Variants in EVL observed in about 807,000 individuals in gnomAD.
EVL encodes the protein ena/VASP-like protein.
A neutral mutation model predicts 59.6 loss-of-function variants in EVL; 21 were observed. The observed-to-expected ratio is 0.35, with a 90% CI of 0.25 to 0.51. The LOEUF (loss-of-function observed/expected upper bound fraction) is 0.51, where lower values mean the gene tolerates loss of function less well. EVL is among the 20% of genes least tolerant of loss of function. The pLI, the probability that EVL is intolerant of heterozygous loss-of-function variation, is 0.97. For synonymous variants in EVL, 198 were observed against 203.5 expected, an observed-to-expected ratio of 0.97 and a Z score of 0.23; for missense variants, 462 against 546.6, an observed-to-expected ratio of 0.85 and a Z score of 1.54.
At chr14:100,092,045 C>T (rs1006814562) in intron 2 of EVL, among the ~76,000 whole-genome samples, 2 of 151,788 alleles carry the variant, frequency 1.3e-5, no homozygotes, top group African/African-American at 4.8e-5. Context: ...TCAAGACCAG[C>T]CTGGGCAACA....
At chr14:100,143,678 A>AGCC (rs1452177575) in intron 13 of EVL, 23 bp from the exon 14 acceptor site, 3 of 1,610,772 alleles carry the variant, frequency 1.9e-6, no homozygotes, top group Non-Finnish European at 2.5e-6. Flanking sequence ...GCTGCACCTG[A>AGCC]GCCGCCGCCA....
intron 1 of EVL, among the ~76,000 whole-genome samples, chr14:100,073,298 C>T (rs916327536): frequency 1.4e-4 from 21 of 151,526 alleles, no homozygotes; most frequent in Non-Finnish European, 2.8e-4. Flanking sequence ...ACACTTTGCA[C>T]GTACAGCACT....
In EVL at chr14:100,109,659, C is replaced by A. The variant is rs1566703015; in HGVS notation, c.358+12001C>A. Reference sequence around the variant, plus strand: ...ACCGCTTGCTGGCCAACCTGTGAAACTGGGCTCAAGGTGAGGGGTGCTATC... The same window carrying A: ...ACCGCTTGCTGGCCAACCTGTGAAAATGGGCTCAAGGTGAGGGGTGCTATC... On this transcript the variant is annotated intron_variant, in intron 3 of 13. Coordinates refer to ENST00000392920, the MANE Select transcript of EVL (RefSeq NM_016337.3). This position sits in a 1 kb window ranked among gnomAD's most constrained non-coding sequence, Gnocchi z 4.3. The A allele has an allele frequency of 1.9e-6, 1 of 531,294 alleles. No individual in the cohort carries two copies. Among genetic ancestry groups the A allele is most frequent in the East Asian group, 5.5e-5 (1 of 18,348 alleles). The allele number at this position is 531,294 out of a possible 1,614,324, so 32.9% of individuals were successfully genotyped here.
chr14:100,106,727 G>A, intron 3 of EVL: 1 of 397,768 alleles, frequency 2.5e-6, no homozygotes. Context: ...GAAGTTTTGT[G>A]AAACTCGGGC....
intron 1 of EVL, among the ~76,000 whole-genome samples, chr14:99,990,157 G>A (rs1015690490): frequency 6.6e-6 from 1 of 152,100 alleles, no homozygotes; most frequent in African/African-American, 2.4e-5. Flanking sequence ...AATGTTGATA[G>A]TTTGACCTCC....
intron 9 of EVL, among the ~76,000 whole-genome samples, chr14:100,136,528 A>G (rs1888799976): frequency 6.6e-6 from 1 of 152,152 alleles, no homozygotes; most frequent in Non-Finnish European, 1.5e-5. Context: ...TTGGTTGTTC[A>G]TTCGACAAAC....
intron 1 of EVL, among the ~76,000 whole-genome samples, chr14:100,042,537 TGGGCCCTGGGCCCAGCGACCTCTGGCCA>T (rs2061482673): frequency 6.6e-6 from 1 of 152,160 alleles, no homozygotes; most frequent in Admixed American, 6.6e-5. Context: ...CCCCCATCTC[TGGGCCCTGGGCCCAGCGACCTCTGGCCA>T]GGGTGAGCAT....
At chr14:99,976,867 G>A (rs981872901) in intron 1 of EVL, among the ~76,000 whole-genome samples, 1 of 152,132 alleles carries the variant, frequency 6.6e-6, no homozygotes, top group East Asian at 1.9e-4. Context: ...AGGAAAATTA[G>A]CCTCAAACAC....
intron 1 of EVL, among the ~76,000 whole-genome samples, chr14:100,040,040 A>T (rs1039053234): frequency 6.6e-6 from 1 of 152,062 alleles, no homozygotes; most frequent in African/African-American, 2.4e-5. Flanking sequence ...TTGACTTCTC[A>T]AAGTGCTGGG....
At chr14:99,977,591 C>T (rs923812371) in intron 1 of EVL, among the ~76,000 whole-genome samples, 1 of 151,996 alleles carries the variant, frequency 6.6e-6, no homozygotes, top group Admixed American at 6.6e-5. Flanking sequence ...TCCGCCACTA[C>T]GCGCGGCTAA....
At chr14:100,021,194 C>T (rs1001271969) in intron 1 of EVL, among the ~76,000 whole-genome samples, 1 of 152,218 alleles carries the variant, frequency 6.6e-6, no homozygotes, top group African/African-American at 2.4e-5. Flanking sequence ...TGGAGCCTTT[C>T]ATTACGTTTC....
At position 100,009,382 on chromosome 14, in the gene EVL, C is replaced by T. The variant is rs376945717; in HGVS notation, c.5+37325C>T. 8.7e-4 allele frequency among the ~76,000 whole-genome samples: 133 copies of T among 152,362 alleles called. 1 individual carries two copies. The Middle Eastern group carries it at 0.017, about 19-fold the overall frequency. On this transcript the variant is annotated intron_variant, in intron 1 of 13. Transcript: ENST00000402714. ...GCCAGTTGGATGCTTGAAATTCCCA[C>T]AGTGTTCATTCATGTAGTCTTCATT...
rs1016003200 is a variant in EVL, at chr14:100,114,393, C to T, written c.359-9146C>T. 2.0e-5 allele frequency: 3 copies of T among 152,330 alleles called. No homozygotes were observed. The highest frequency in any genetic ancestry group is 4.4e-5 in the Non-Finnish European group (3 of 68,122). The allele number at this position is 152,330 out of a possible 1,614,324, so 9.4% of individuals were successfully genotyped here. A position where few individuals can be genotyped will look rare whatever the true frequency, so the allele number is the denominator to read the frequency against. On this transcript the variant is annotated intron_variant, in intron 3 of 13. Coordinates refer to ENST00000392920, the MANE Select transcript of EVL (RefSeq NM_016337.3). This position sits in a 1 kb window ranked among gnomAD's most constrained non-coding sequence, Gnocchi z 5.0. ...TGGCAGACACCTGGTGTCACCAAGG[C>T]CTGTGAGCTGAGCCCCACAAGGGGT...
Position 100,065,445 on chromosome 14 carries a change from TG to T in EVL, c.-54del. The T allele has an allele frequency of 7.1e-7, 1 of 1,403,050 alleles. No individual in the cohort carries two copies. The highest frequency in any genetic ancestry group is 1.7e-5 in the South Asian group (1 of 58,272). The allele number at this position is 1,403,050 out of a possible 1,614,324, so 86.9% of individuals were successfully genotyped here. On this transcript the variant is annotated 5_prime_UTR_variant, in exon 1 of 14. Coordinates refer to ENST00000392920, the MANE Select transcript of EVL (RefSeq NM_016337.3). ...CTGTGGTCCTCTGATCAACATAGGC[TG>T]GTGGGAGTACAGGACTCGCCTCCTC...
At chr14:100,101,063 C>T (rs186992396) in intron 3 of EVL, among the ~76,000 whole-genome samples, 40 of 152,226 alleles carry the variant, frequency 2.6e-4, no homozygotes, top group African/African-American at 7.7e-4. Flanking sequence ...AATATATGTG[C>T]TTTTCAAGTT....
chr14:100,137,996 G>C (rs1419919384), intron 11 of EVL, 194 bp downstream of exon 11: 4 of 620,204 alleles, frequency 6.4e-6, no homozygotes, highest in Non-Finnish European at 8.5e-6. Flanking sequence ...CCCTCTGAGA[G>C]AGAGACCAAG....
chr14:100,126,594 A>T, intron 4 of EVL, 113 bp from the exon 5 acceptor site: 1 of 1,073,440 alleles, frequency 9.3e-7, no homozygotes, highest in Non-Finnish European at 1.4e-6. Context: ...GCGCTTGTGG[A>T]GCGCTGGCGA....
At chr14:99,995,809 T>C (rs2060909054) in intron 1 of EVL, among the ~76,000 whole-genome samples, 1 of 152,170 alleles carries the variant, frequency 6.6e-6, no homozygotes, top group African/African-American at 2.4e-5. Flanking sequence ...GGTTGAGTCT[T>C]CTCTATGCAT....
intron 7 of EVL, 105 bp from the exon 8 acceptor site, chr14:100,132,614 T>A (rs1888505661): frequency 8.6e-6 from 11 of 1,282,750 alleles, no homozygotes; most frequent in Admixed American, 1.7e-5. Context: ...CCACACAGGT[T>A]TATCTGAGGA....
Sources: allele counts gnomAD v4.1 joint callset (sites outside exome capture counted in the v4.1 genomes callset), GRCh38; gene constraint gnomAD v4.1.1; non-coding constraint Gnocchi (gnomAD v3.1); transcripts MANE v1.5; gene names NCBI Gene and HGNC (gene_info 2026-07-23, HGNC 2026-07-21).